EXD3: variants seen among roughly 807,000 people sequenced by gnomAD.
The protein encoded by EXD3 is exonuclease mut-7 homolog.
EXD3 carries 92 observed loss-of-function variants against 98.0 expected under a neutral mutation model. That is an observed-to-expected ratio of 0.94 (90% CI 0.79 to 1.12). The LOEUF (loss-of-function observed/expected upper bound fraction) is 1.12. EXD3 is among the 50% of genes most tolerant of loss of function. The pLI is 0.00. For synonymous variants in EXD3, 569 were observed against 526.0 expected, an observed-to-expected ratio of 1.08 and a Z score of -1.12; for missense variants, 1,222 against 1,191.6, an observed-to-expected ratio of 1.03 and a Z score of -0.38.
Position 137,351,379 on chromosome 9 carries a change from T to C in EXD3, c.1323A>G (p.Gly441=), listed in dbSNP as rs781408432. 46 of 1,611,290 alleles carry C rather than the reference T, an allele frequency of 2.9e-5. No individual in the cohort carries two copies. The highest frequency in any genetic ancestry group is 3.6e-5 in the Non-Finnish European group (42 of 1,179,486). ...CCACCAGCCGGGAAAAGGCCTGGGCTCCCTGCCCTGTTGGTGGCTGCGAGA... is the reference window on the plus strand; with the variant it reads ...CCACCAGCCGGGAAAAGGCCTGGGCCCCCTGCCCTGTTGGTGGCTGCGAGA... ...LALSQPPTGQ[G]AQAFSRLVAQ... is the part of the protein sequence containing the mutation. Residue 441 remains glycine, a synonymous_variant, in exon 13 of 22, where the codon GGA becomes GGG. Transcript: ENST00000340951.
At chr9:137,412,707 C>T (rs927888550) in intron 1 of EXD3, among the ~76,000 whole-genome samples, 1 of 152,246 alleles carries the variant, frequency 6.6e-6, no homozygotes. Context: ...CCTCAGTGAA[C>T]AGCAGCCTTG....
chr9:137,382,719 G>C (rs1836377806), intron 3 of EXD3, among the ~76,000 whole-genome samples: 2 of 152,076 alleles, frequency 1.3e-5, no homozygotes, highest in Admixed American at 1.3e-4. Flanking sequence ...GCTGGGCTGG[G>C]GTTGGAGGGC....
intron 1 of EXD3, among the ~76,000 whole-genome samples, chr9:137,410,484 C>CAAATAAAAA (rs1837941576): frequency 1.4e-5 from 1 of 72,356 alleles, no homozygotes; most frequent in Non-Finnish European, 2.8e-5. Flanking sequence ...AACTCTGTCT[C>CAAATAAAAA]AAAAAAAAAA....
intron 2 of EXD3, chr9:137,392,966 G>A: frequency 1.7e-6 from 1 of 593,688 alleles, no homozygotes; most frequent in Non-Finnish European, 3.0e-6. Context: ...AGGGGGTGCT[G>A]AGGCTGTTCC....
At chr9:137,328,495 C>G (rs1005140129) in intron 17 of EXD3, among the ~76,000 whole-genome samples, 1 of 11,004 alleles carries the variant, frequency 9.1e-5, no homozygotes, top group South Asian at 5.2e-3. Flanking sequence ...AAAGTAAAAA[C>G]AAACACAACT....
At position 137,371,821 on chromosome 9, in the gene EXD3, C is replaced by T. The variant is rs1364664946; in HGVS notation, c.462+1084G>A. Among the ~76,000 whole-genome samples the T allele has an allele frequency of 6.6e-6, 1 of 152,070 alleles. No homozygotes were observed. The highest frequency in any genetic ancestry group is 2.4e-5 in the African/African-American group (1 of 41,434). On this transcript the variant is annotated intron_variant, in intron 5 of 21. Coordinates refer to ENST00000340951, the MANE Select transcript of EXD3 (RefSeq NM_017820.5). The surrounding 1 kb of genome is among the most constrained non-coding windows in gnomAD (Gnocchi z 8.0). ...CGCACCTCGTGCTGCACCCTAGAATCTGCACTGGGATCTGGAATCTCAGGG... is the reference window on the plus strand; with the variant it reads ...CGCACCTCGTGCTGCACCCTAGAATTTGCACTGGGATCTGGAATCTCAGGG...
intron 8 of EXD3, 55 bp downstream of exon 8, chr9:137,356,213 C>T (rs1366005265): frequency 1.1e-5 from 15 of 1,355,332 alleles, no homozygotes; most frequent in Non-Finnish European, 1.5e-5. Context: ...TGTCCCTGGC[C>T]ACGCTTGGCG....
At position 137,372,842 on chromosome 9, in the gene EXD3, G is replaced by A. The variant is rs147708116; in HGVS notation, c.462+63C>T. ...ACACAGAGGCGGCCCTGAGCCAGGC[G>A]CGTCCTTGCCCCACCGCCCGAGAAG... On this transcript the variant is annotated intron_variant, in intron 5 of 21. Transcript: ENST00000340951. 5.9e-4 allele frequency: 907 copies of A among 1,543,280 alleles called. 5 individuals carry two copies. The African/African-American group carries it at 0.01, about 17-fold the overall frequency.
chr9:137,327,387 C>A (rs1177990978), intron 17 of EXD3, among the ~76,000 whole-genome samples: 3 of 152,130 alleles, frequency 2.0e-5, no homozygotes, highest in Non-Finnish European at 2.9e-5. Flanking sequence ...CCCGCGTCGG[C>A]CTCCCAAAGT....
chr9:137,327,488 A>C (rs1832492078), intron 17 of EXD3, among the ~76,000 whole-genome samples: 1 of 152,136 alleles, frequency 6.6e-6, no homozygotes, highest in Non-Finnish European at 1.5e-5. Flanking sequence ...GGTGATGGAT[A>C]TGTGATACAG....
intron 5 of EXD3, 24 bp from the exon 6 acceptor site, chr9:137,368,013 T>A: frequency 2.5e-6 from 4 of 1,602,350 alleles, no homozygotes; most frequent in Non-Finnish European, 3.4e-6. Context: ...AGGCGGCAGA[T>A]TACTCAGGGC....
At chr9:137,363,283 C>A (rs79913231) in intron 7 of EXD3, among the ~76,000 whole-genome samples, 1 of 122,326 alleles carries the variant, frequency 8.2e-6, no homozygotes. Context: ...TTGGGCTGCG[C>A]TTTTTTTTTT....
At chr9:137,392,924 G>A (rs898142015) in intron 2 of EXD3, 9 of 577,302 alleles carry the variant, frequency 1.6e-5, no homozygotes, top group South Asian at 3.6e-5. Flanking sequence ...GCGGGGGGCC[G>A]TATCTGTTCC....
At chr9:137,373,731 T>C (rs6606585) in intron 3 of EXD3, 132 bp from the exon 4 acceptor site, 1,050,649 of 1,055,188 alleles carry the variant, frequency 1, 523,066 homozygotes, top group Middle Eastern at 1. Flanking sequence ...AGCCGCCATC[T>C]GCGCCTCCGT....
At chr9:137,366,447 C>T in intron 7 of EXD3, 46 bp downstream of exon 7, 2 of 1,532,492 alleles carry the variant, frequency 1.3e-6, no homozygotes, top group Non-Finnish European at 1.8e-6. Flanking sequence ...ACCAGGGCTC[C>T]CAGGATGCCA....
chr9:137,342,571 G>A (rs1259026276), intron 17 of EXD3, among the ~76,000 whole-genome samples: 1 of 152,134 alleles, frequency 6.6e-6, no homozygotes, highest in African/African-American at 2.4e-5. Context: ...CCCGCTGCCT[G>A]GCATATACCA....
chr9:137,349,355 G>A lies in EXD3; in HGVS notation c.1657+14C>T, dbSNP rs773055147. ...GCGTGAGGAGGGGTCACTCCCACCC[G>A]CCGCACCGCACACCTGCGTAGATGA... On this transcript the variant is annotated intron_variant, in intron 15 of 21. Coordinates refer to ENST00000340951, the MANE Select transcript of EXD3 (RefSeq NM_017820.5). The surrounding 1 kb of genome is among the most constrained non-coding windows in gnomAD (Gnocchi z 7.4). The A allele has an allele frequency of 8.9e-6, 14 of 1,568,866 alleles. No homozygotes were observed. Among genetic ancestry groups the A allele is most frequent in the Non-Finnish European group, 1.1e-5 (13 of 1,163,302 alleles).
chr9:137,373,677 G>A (rs1393284725), intron 3 of EXD3, 78 bp from the exon 4 acceptor site: 1 of 1,423,984 alleles, frequency 7.0e-7, no homozygotes, highest in Non-Finnish European at 9.4e-7. Flanking sequence ...CCGCAGAGAG[G>A]TTTTTTAAAA....
intron 10 of EXD3, chr9:137,353,807 C>G (rs1834443587): frequency 2.0e-6 from 2 of 986,240 alleles, no homozygotes; most frequent in African/African-American, 1.7e-5. Flanking sequence ...CACGACCTCC[C>G]ACCCCACGGC....
Sources: allele counts gnomAD v4.1 joint callset (sites outside exome capture counted in the v4.1 genomes callset), GRCh38; gene constraint gnomAD v4.1.1; non-coding constraint Gnocchi (gnomAD v3.1); transcripts MANE v1.5; gene names NCBI Gene and HGNC (gene_info 2026-07-23, HGNC 2026-07-21).